The following DLGAP1 variants were observed in gnomAD, a reference collection of about 807,000 sequenced individuals.
The protein encoded by DLGAP1 is DLG associated protein 1.
Under a neutral mutation model 90.8 loss-of-function variants are expected in DLGAP1, and 11 were observed. That is an observed-to-expected ratio of 0.12 (90% confidence interval 0.08 to 0.20). The LOEUF (loss-of-function observed/expected upper bound fraction) is 0.20, where lower values mean the gene tolerates loss of function less well. Among genes scored for constraint, DLGAP1 ranks in the 10% least tolerant of loss-of-function variants. The pLI, the probability that DLGAP1 is intolerant of heterozygous loss-of-function variation, is 1.00. For missense variants in DLGAP1, 1,050 were observed against 1,333.8 expected (o/e 0.79, Z 3.31); for synonymous variants, 558 against 540.7 (o/e 1.03, Z -0.44).
At chr18:4,060,578 G>A (rs1395882303) in intron 2 of DLGAP1, among the ~76,000 whole-genome samples, 1 of 152,112 alleles carries the variant, frequency 6.6e-6, no homozygotes, top group Non-Finnish European at 1.5e-5. Flanking sequence ...TCTTGAGGAA[G>A]AATAGCTTCT....
intron 5 of DLGAP1, among the ~76,000 whole-genome samples, chr18:3,754,962 T>C (rs1351095559): frequency 6.6e-6 from 1 of 151,992 alleles, no homozygotes; most frequent in Non-Finnish European, 1.5e-5. Context: ...TTATAGACCA[T>C]GCATGGCACC....
chr18:4,208,423 C>T (rs1188347494), intron 1 of DLGAP1, among the ~76,000 whole-genome samples: 1 of 152,184 alleles, frequency 6.6e-6, no homozygotes, highest in East Asian at 1.9e-4. Context: ...CATTAAAACA[C>T]TCTTTGAACC....
At chr18:3,676,133 T>C (rs2060289893) in intron 7 of DLGAP1, among the ~76,000 whole-genome samples, 1 of 152,206 alleles carries the variant, frequency 6.6e-6, no homozygotes, top group Non-Finnish European at 1.5e-5. Flanking sequence ...GCCAATCATG[T>C]TCAAAATGGC....
At chr18:3,705,740 C>T (rs182997493) in intron 7 of DLGAP1, among the ~76,000 whole-genome samples, 7 of 151,646 alleles carry the variant, frequency 4.6e-5, no homozygotes, top group Admixed American at 6.6e-5. Flanking sequence ...CTCACTACAA[C>T]CTCTGCCTCC....
At chr18:4,231,760 G>C (rs1311480074) in intron 1 of DLGAP1, among the ~76,000 whole-genome samples, 8 of 151,726 alleles carry the variant, frequency 5.3e-5, no homozygotes. Flanking sequence ...TTCCTTCCAG[G>C]ACAATGAATG....
chr18:3,502,208 T>C, intron 12 of DLGAP1: 1 of 1,285,184 alleles, frequency 7.8e-7, no homozygotes, highest in East Asian at 3.3e-5. Context: ...AGGCAGTTCC[T>C]TCCAGTGACT....
At chr18:3,502,681 A>G (rs1598954875) in intron 11 of DLGAP1, 36 bp from the exon 12 acceptor site, 4 of 1,587,408 alleles carry the variant, frequency 2.5e-6, no homozygotes, top group Non-Finnish European at 3.4e-6. Context: ...ATGCTTTAGA[A>G]GCAATTCTTG....
At chr18:4,011,739 C>G (rs989498745) in intron 2 of DLGAP1, among the ~76,000 whole-genome samples, 1 of 151,974 alleles carries the variant, frequency 6.6e-6, no homozygotes, top group Non-Finnish European at 1.5e-5. Context: ...TGAGAAGTTC[C>G]TTTGAGCCTA....
At chr18:3,736,034 C>T (rs568774027) in intron 6 of DLGAP1, among the ~76,000 whole-genome samples, 9 of 152,164 alleles carry the variant, frequency 5.9e-5, no homozygotes, top group South Asian at 2.1e-4. Context: ...GTCAAAGTCA[C>T]GGCTGAGCTG....
intron 3 of DLGAP1, among the ~76,000 whole-genome samples, chr18:3,956,983 G>A (rs1477851858): frequency 1.3e-5 from 2 of 152,082 alleles, no homozygotes; most frequent in African/African-American, 2.4e-5. Flanking sequence ...TCTTTTCCAG[G>A]ATTTGAAACT....
chr18:4,300,505 T>C (rs2080098183), intron 1 of DLGAP1, among the ~76,000 whole-genome samples: 1 of 152,166 alleles, frequency 6.6e-6, no homozygotes, highest in Non-Finnish European at 1.5e-5. Flanking sequence ...GATTTTACAA[T>C]TAAAAAAACT....
At chr18:4,224,735 G>A (rs2078149928) in intron 1 of DLGAP1, among the ~76,000 whole-genome samples, 1 of 152,146 alleles carries the variant, frequency 6.6e-6, no homozygotes, top group Non-Finnish European at 1.5e-5. Context: ...TTGGCTCTGG[G>A]CCCATATCTC....
At chr18:3,787,010 T>G (rs186843927) in intron 5 of DLGAP1, among the ~76,000 whole-genome samples, 24 of 144,856 alleles carry the variant, frequency 1.7e-4, no homozygotes, top group Admixed American at 1.1e-3. Context: ...ATGGTGAATC[T>G]TGAAACCCAT....
At chr18:3,750,792 A>G (rs1158587712) in intron 5 of DLGAP1, among the ~76,000 whole-genome samples, 2 of 152,208 alleles carry the variant, frequency 1.3e-5, no homozygotes, top group East Asian at 1.9e-4. Context: ...CGCAAGTTTC[A>G]TCTTTGCACA....
intron 8 of DLGAP1, among the ~76,000 whole-genome samples, chr18:3,572,613 C>T (rs1464981330): frequency 6.6e-6 from 1 of 152,132 alleles, no homozygotes; most frequent in African/African-American, 2.4e-5. Context: ...TCATGCCTGG[C>T]TAATTTTTGT....
chr18:3,841,682 A>C (rs1274148021), intron 4 of DLGAP1, among the ~76,000 whole-genome samples: 1 of 152,180 alleles, frequency 6.6e-6, no homozygotes, highest in African/African-American at 2.4e-5. Context: ...TAAGGAAATT[A>C]TATGAACCAC....
intron 1 of DLGAP1, chr18:4,265,029 C>T (rs73376951): frequency 0.011 from 1,715 of 152,284 alleles, 33 homozygotes; most frequent in African/African-American, 0.039. Flanking sequence ...CTTCCTTTCT[C>T]TGTGCATCAG....
chr18:4,345,129 C>A (rs779329347), intron 1 of DLGAP1, among the ~76,000 whole-genome samples: 1 of 152,098 alleles, frequency 6.6e-6, no homozygotes, highest in Non-Finnish European at 1.5e-5. Flanking sequence ...ATGGCCCAAG[C>A]GCCAATTTAC....
intron 2 of DLGAP1, among the ~76,000 whole-genome samples, chr18:4,118,781 CCT>C (rs1403110845): frequency 2.6e-5 from 4 of 151,988 alleles, no homozygotes; most frequent in African/African-American, 9.7e-5. Flanking sequence ...GCCACAGACC[CCT>C]GTCTTAATGA....
Sources: gnomAD v4.1 joint callset for allele counts (sites outside exome capture counted in the v4.1 genomes callset) on GRCh38, gnomAD v4.1.1 for gene constraint, MANE v1.5 for transcripts, NCBI Gene and HGNC (gene_info 2026-07-23, HGNC 2026-07-21) for gene names.